JAG1: variants seen among roughly 807,000 people sequenced by gnomAD.
JAG1 encodes protein jagged-1.
A neutral mutation model predicts 148.7 loss-of-function variants in JAG1; 23 were observed. That is an observed-to-expected ratio of 0.15 (90% CI 0.11 to 0.22). JAG1 has a LOEUF of 0.22. Ranked by LOEUF, JAG1 falls within the 10% of genes least tolerant of loss-of-function variation. The probability of loss-of-function intolerance (pLI) is 1.00; values close to 1 mark genes in which losing one functional copy is unlikely to be tolerated. For synonymous variants in JAG1, 572 were observed against 598.3 expected, an observed-to-expected ratio of 0.96 and a Z score of 0.64; for missense variants, 1,054 against 1,611.2, an observed-to-expected ratio of 0.65 and a Z score of 5.92.
chr20:10,652,455 C>G lies in JAG1; in HGVS notation c.886+13G>C, dbSNP rs746437087. The G allele has an allele frequency of 1.2e-6, 2 of 1,613,898 alleles. No individual in the cohort carries two copies. Among genetic ancestry groups the G allele is most frequent in the East Asian group, 4.5e-5 (2 of 44,896 alleles). On this transcript the variant is annotated intron_variant, in intron 6 of 25. Transcript: ENST00000254958. ...CCAGATCCCACCCTGGGTCTCATCC[C>G]TAAGGGCCATACCTTTGTCACAGAG...
At chr20:10,663,298 T>A (rs531015820) in intron 3 of JAG1, among the ~76,000 whole-genome samples, 1 of 152,348 alleles carries the variant, frequency 6.6e-6, no homozygotes, top group Admixed American at 6.5e-5. Context: ...AAGTTACAAT[T>A]AAAGAGCAAG....
chr20:10,653,089 G>A (rs542674967), intron 5 of JAG1, among the ~76,000 whole-genome samples: 1 of 151,922 alleles, frequency 6.6e-6, no homozygotes, highest in South Asian at 2.1e-4. Context: ...ACTGCCTCAC[G>A]ATGACGCTTT....
At chr20:10,653,494 T>G (rs567812091) in intron 5 of JAG1, among the ~76,000 whole-genome samples, 2 of 149,586 alleles carry the variant, frequency 1.3e-5, no homozygotes, top group East Asian at 3.9e-4. Flanking sequence ...TCTGAAACTT[T>G]AATTGCCTTC....
intron 2 of JAG1, among the ~76,000 whole-genome samples, chr20:10,667,174 C>T (rs535837286): frequency 6.6e-6 from 1 of 152,352 alleles, no homozygotes; most frequent in Admixed American, 6.5e-5. Context: ...AATAAACCGC[C>T]ATCCAAACGG....
intron 2 of JAG1, among the ~76,000 whole-genome samples, chr20:10,666,911 C>G (rs2067457912): frequency 6.6e-6 from 1 of 152,198 alleles, no homozygotes; most frequent in Admixed American, 6.5e-5. Context: ...GGCTGGGGCC[C>G]CTGCACCTCC....
Position 10,663,993 on chromosome 20 carries a change from C to G in JAG1, c.409G>C (p.Glu137Gln). 1 of 1,613,916 alleles carries G rather than the reference C, an allele frequency of 6.2e-7. No individual in the cohort carries two copies. Among genetic ancestry groups the G allele is most frequent in the Non-Finnish European group, 8.5e-7 (1 of 1,179,794 alleles). Residue 137 changes from glutamate (E) to glutamine (Q), a missense_variant, in exon 3 of 26, where the codon GAG (glutamate) becomes CAG (glutamine). Transcript: ENST00000254958. ...AWPRSYTLLVEAWDSSNDTVQ... is the reference protein window; with the variant it reads ...AWPRSYTLLVQAWDSSNDTVQ... ...GTGTCATTACTGGAATCCCACGCCT[C>G]CACAAGCAACGTATAGGACCTCTGC...
chr20:10,673,300 G>T lies in JAG1; in HGVS notation c.81+150C>A. The T allele has an allele frequency of 1.4e-6, 1 of 695,066 alleles. No homozygotes were observed. Among genetic ancestry groups the T allele is most frequent in the Non-Finnish European group, 2.4e-6 (1 of 418,694 alleles). The allele number at this position is 695,066 out of a possible 1,614,324, so 43.1% of individuals were successfully genotyped here. ...CAGGGGCTCCCGTGGGGGAGTTGGCGCGCTCAGCCCAGGTGCAGCCGCTCG... is the reference window on the plus strand; with the variant it reads ...CAGGGGCTCCCGTGGGGGAGTTGGCTCGCTCAGCCCAGGTGCAGCCGCTCG... On this transcript the variant is annotated intron_variant, in intron 1 of 25. Transcript: ENST00000254958. The surrounding 1 kb of genome is among the most constrained non-coding windows in gnomAD (Gnocchi z 4.7).
At position 10,641,474 on chromosome 20, in the gene JAG1, C is replaced by T; in HGVS notation, c.2902G>A (p.Glu968Lys). 1 of 1,613,820 alleles carries T rather than the reference C, an allele frequency of 6.2e-7. No individual in the cohort carries two copies. The highest frequency in any genetic ancestry group is 8.5e-7 in the Non-Finnish European group (1 of 1,179,760). Residue 968 changes from glutamate (E) to lysine (K), a missense_variant, in exon 23 of 26, where the codon GAG becomes AAG. Physicochemically the swap from Glu to Lys is moderately conservative, Grantham distance 56. Around this residue, in one of 6 missense-constraint regions of JAG1, gnomAD observed 342 missense variants for 514.6 expected, o/e 0.66. Coordinates refer to ENST00000254958, the MANE Select transcript of JAG1 (RefSeq NM_000214.3). The part of the protein sequence containing the change: ...CANITFTFNK[E>K]MMSPGLTTEH... ...TTGTTACATACTGGTGACATCATCT[C>T]CTTGTTAAAGGTAAATGTGATGTTC...
At chr20:10,643,719 G>A (rs776080544) in intron 20 of JAG1, 59 bp downstream of exon 20, 11 of 1,304,642 alleles carry the variant, frequency 8.4e-6, no homozygotes, top group Non-Finnish European at 1.2e-5. Flanking sequence ...AAGTCTTGGG[G>A]TGAGGCATGG....
At chr20:10,672,409 T>C (rs764569591) in intron 2 of JAG1, among the ~76,000 whole-genome samples, 13 of 152,120 alleles carry the variant, frequency 8.5e-5, no homozygotes, top group Non-Finnish European at 1.9e-4. Context: ...TCTGGGAACT[T>C]CAAGTTGCAA....
chr20:10,661,656 G>A (rs1434769920), intron 3 of JAG1, among the ~76,000 whole-genome samples: 1 of 152,170 alleles, frequency 6.6e-6, no homozygotes, highest in Non-Finnish European at 1.5e-5. Context: ...CCACCAAGTG[G>A]TTGGTTTTTC....
At chr20:10,654,438 T>C (rs1378621463) in intron 5 of JAG1, among the ~76,000 whole-genome samples, 1 of 152,196 alleles carries the variant, frequency 6.6e-6, no homozygotes, top group Non-Finnish European at 1.5e-5. Flanking sequence ...AGTTTGATAT[T>C]ATTGGCAGGC....
chr20:10,644,699 C>G, intron 18 of JAG1, 164 bp downstream of exon 18: 2 of 694,128 alleles, frequency 2.9e-6, no homozygotes, highest in Non-Finnish European at 5.2e-6. Flanking sequence ...GCGACTTTCT[C>G]ATGCCCAGGT....
chr20:10,658,543 A>T lies in JAG1; in HGVS notation c.619T>A (p.Phe207Ile). ...NKFCRPRDDFFGHYACDQNGN... is the reference protein window; with the variant it reads ...NKFCRPRDDFIGHYACDQNGN... ...TTCTGGTCACAGGCATAGTGTCCAA[A>T]GAAGTCATCTCTGGGGCGGCAGAAC... Residue 207 changes from phenylalanine to isoleucine, a missense_variant, in exon 4 of 26, where the codon TTT (phenylalanine) becomes ATT (isoleucine). Phe to Ile is a conservative substitution (Grantham distance 21). Around this residue, in one of 6 missense-constraint regions of JAG1, gnomAD observed 104 missense variants for 235.2 expected, o/e 0.44. Transcript: ENST00000254958. 6.2e-7 allele frequency: 1 copy of T among 1,614,246 alleles called. No individual in the cohort carries two copies. Among genetic ancestry groups the T allele is most frequent in the Non-Finnish European group, 8.5e-7 (1 of 1,180,046 alleles).
chr20:10,657,475 T>C (rs1020986129), intron 4 of JAG1, among the ~76,000 whole-genome samples: 2 of 152,236 alleles, frequency 1.3e-5, no homozygotes, highest in Admixed American at 6.5e-5. Flanking sequence ...GCCATCCTTT[T>C]TAAACTCTTC....
intron 4 of JAG1, among the ~76,000 whole-genome samples, chr20:10,656,934 A>G (rs1338330366): frequency 6.6e-6 from 1 of 151,474 alleles, no homozygotes; most frequent in African/African-American, 2.4e-5. Context: ...ATTCCATGGG[A>G]CTAACAGAGC....
intron 3 of JAG1, 65 bp from the exon 4 acceptor site, chr20:10,658,787 C>G (rs1479034750): frequency 6.3e-7 from 1 of 1,582,606 alleles, no homozygotes; most frequent in Non-Finnish European, 8.7e-7. Flanking sequence ...ACCATTTTGG[C>G]TTTTTAAAAT....
Position 10,639,919 on chromosome 20 carries a change from A to C in JAG1, c.3236T>G (p.Val1079Gly). The C allele has an allele frequency of 6.2e-7, 1 of 1,614,252 alleles. No individual in the cohort carries two copies. The highest frequency in any genetic ancestry group is 8.5e-7 in the Non-Finnish European group (1 of 1,180,040). The change falls in exon 26 of 26, where the codon GTG (valine) becomes GGG (glycine). Residue 1079 changes from valine (V) to glycine (G), a missense_variant. By Grantham distance (109) the Val-to-Gly change is moderately radical (BLOSUM62 -3). Around this residue, in one of 6 missense-constraint regions of JAG1, gnomAD observed 342 missense variants for 514.6 expected, o/e 0.66. Transcript: ENST00000254958. The stretch of plus-strand genomic sequence containing the variant: ...CGTCACCAAGCAACAGATCCAAGCC[A>C]CAGTTAAGACAGAGCTCAGCAAGGG... The part of the protein sequence containing the change: ...LVPLLSSVLT[V>G]AWICCLVTAF...
chr20:10,642,387 CT>C (rs3830830), intron 21 of JAG1, 100 bp downstream of exon 21: 390,294 of 731,950 alleles, frequency 0.53, 107,708 homozygotes, highest in Non-Finnish European at 0.58. Flanking sequence ...TGTGTGTTCC[CT>C]TCCCTGAGCA....
Sources: allele counts gnomAD v4.1 joint callset (sites outside exome capture counted in the v4.1 genomes callset), GRCh38; gene constraint gnomAD v4.1.1; regional missense constraint gnomAD v4.1.1; non-coding constraint Gnocchi (gnomAD v3.1); transcripts MANE v1.5; gene names NCBI Gene and HGNC (gene_info 2026-07-23, HGNC 2026-07-21).